MYO1B: variants seen among roughly 807,000 people sequenced by gnomAD.
The protein encoded by MYO1B is myosin IB, also known as unconventional myosin-Ib.
A neutral mutation model predicts 159.7 loss-of-function variants in MYO1B; 72 were observed. That is an observed-to-expected ratio of 0.45 (90% CI 0.37 to 0.55). The LOEUF (loss-of-function observed/expected upper bound fraction) is 0.55. MYO1B is among the 20% of genes least tolerant of loss of function. The pLI is 0.00. For synonymous variants in MYO1B, 468 were observed against 473.8 expected (o/e 0.99, Z 0.16); for missense variants, 1,062 against 1,364.8 (o/e 0.78, Z 3.50).
chr2:191,383,652 A>T (rs1405628487), intron 15 of MYO1B, among the ~76,000 whole-genome samples: 1 of 151,256 alleles, frequency 6.6e-6, no homozygotes. Flanking sequence ...GGATGTTTTG[A>T]TACTTAGCCA....
At chr2:191,281,348 T>G (rs754552669) in intron 2 of MYO1B, among the ~76,000 whole-genome samples, 8 of 152,142 alleles carry the variant, frequency 5.3e-5, no homozygotes, top group Non-Finnish European at 1.0e-4. Context: ...GCTGAAGTGA[T>G]GCTGCAACAC....
In MYO1B at chr2:191,341,329, CATT is replaced by C. The variant is rs936924423; in HGVS notation, c.347-128_347-126del. ...AAATATTTTAGAAAGGTATCCAAAA[CATT>C]ATTTACTCCTCTAGGAATAAAGACA... On this transcript the variant is annotated intron_variant, in intron 4 of 30. Coordinates refer to ENST00000392318, the MANE Select transcript of MYO1B (RefSeq NM_001130158.3). 6 of 611,984 alleles carry C rather than the reference CATT, an allele frequency of 9.8e-6. No individual in the cohort carries two copies. In the Admixed American group the frequency reaches 2.0e-4, roughly 20 times the overall value. 37.9% of individuals were successfully genotyped at this position (611,984 alleles called of 1,614,324 possible).
intron 18 of MYO1B, among the ~76,000 whole-genome samples, chr2:191,391,243 G>A (rs577669806): frequency 6.6e-6 from 1 of 152,326 alleles, no homozygotes; most frequent in South Asian, 2.1e-4. Context: ...GGGCTGACAT[G>A]CCTGTTTCAT....
intron 20 of MYO1B, among the ~76,000 whole-genome samples, chr2:191,395,774 T>G (rs1171737975): frequency 7.2e-5 from 11 of 152,320 alleles, no homozygotes. Context: ...GTGCTTTCTG[T>G]GCTGCATCTC....
chr2:191,314,197 T>C (rs13020656), intron 3 of MYO1B, among the ~76,000 whole-genome samples: 54,400 of 152,156 alleles, frequency 0.36, 10,196 homozygotes, highest in Middle Eastern at 0.52. Context: ...AGTTTAATTT[T>C]ATTTGAATGC....
chr2:191,271,645 G>T (rs73981523), intron 1 of MYO1B, among the ~76,000 whole-genome samples: 2 of 152,032 alleles, frequency 1.3e-5, no homozygotes, highest in Non-Finnish European at 2.9e-5. Flanking sequence ...GTGTTTCAAC[G>T]TATACATTGT....
intron 13 of MYO1B, chr2:191,377,558 G>A (rs971976265): frequency 1.3e-5 from 2 of 152,034 alleles, no homozygotes; most frequent in Admixed American, 1.3e-4. Context: ...GTTGCTTTGG[G>A]GCCTTCCTAT....
intron 2 of MYO1B, among the ~76,000 whole-genome samples, chr2:191,283,632 G>A (rs1221970411): frequency 6.6e-6 from 1 of 152,090 alleles, no homozygotes; most frequent in Non-Finnish European, 1.5e-5. Flanking sequence ...TGAAGAAACC[G>A]AGGCTCATAA....
At chr2:191,370,827 T>A (rs1335066775) in intron 13 of MYO1B, 1 of 152,274 alleles carries the variant, frequency 6.6e-6, no homozygotes, top group Non-Finnish European at 1.5e-5. Context: ...ATTACTGTGA[T>A]CTTATGATAA....
At chr2:191,400,355 T>G (rs761933731) in intron 21 of MYO1B, 27 bp from the exon 22 acceptor site, 1 of 1,611,340 alleles carries the variant, frequency 6.2e-7, no homozygotes, top group South Asian at 1.1e-5. Context: ...TTAAACATTC[T>G]CTCTTTTGGG....
At chr2:191,263,336 A>G in intron 1 of MYO1B, 1 of 985,124 alleles carries the variant, frequency 1.0e-6, no homozygotes, top group Non-Finnish European at 1.2e-6. Context: ...ATATGAACTG[A>G]AGGCTAAAGT....
chr2:191,284,070 G>A (rs1313971795), intron 2 of MYO1B, among the ~76,000 whole-genome samples: 1 of 152,184 alleles, frequency 6.6e-6, no homozygotes, highest in Non-Finnish European at 1.5e-5. Context: ...GTGGAAGGTG[G>A]GAGAAGATAC....
chr2:191,279,176 C>A (rs1687910937), intron 2 of MYO1B, among the ~76,000 whole-genome samples: 1 of 152,148 alleles, frequency 6.6e-6, no homozygotes, highest in African/African-American at 2.4e-5. Context: ...ATATTCATAT[C>A]AATTAATGTT....
At chr2:191,321,186 G>A (rs957989553) in intron 3 of MYO1B, among the ~76,000 whole-genome samples, 10 of 152,126 alleles carry the variant, frequency 6.6e-5, no homozygotes, top group Non-Finnish European at 5.9e-5. Flanking sequence ...TAAATCAGTA[G>A]GGAACATCTG....
chr2:191,276,578 C>G (rs1687765191), intron 1 of MYO1B, among the ~76,000 whole-genome samples: 1 of 152,052 alleles, frequency 6.6e-6, no homozygotes, highest in South Asian at 2.1e-4. Context: ...TTTTTCCTCC[C>G]CCTGGAGTTT....
In MYO1B at chr2:191,364,227, C is replaced by T; in HGVS notation, c.983C>T (p.Thr328Ile). ...CTAGAACGAGCATTCAGTTTCCGAACAGTTGAGGCCAAACAGGAGAAAGTT... is the reference window on the plus strand; with the variant it reads ...CTAGAACGAGCATTCAGTTTCCGAATAGTTGAGGCCAAACAGGAGAAAGTT... ...SVLERAFSFR[T>I]VEAKQEKVST... Residue 328 changes from threonine (T) to isoleucine (I), a missense_variant, in exon 11 of 31, where the codon ACA becomes ATA. Transcript: ENST00000392318. 1.9e-6 allele frequency: 3 copies of T among 1,613,956 alleles called. No homozygotes were observed. The highest frequency in any genetic ancestry group is 2.5e-6 in the Non-Finnish European group (3 of 1,179,874).
intron 28 of MYO1B, 104 bp downstream of exon 28, chr2:191,414,284 T>A: frequency 7.1e-7 from 1 of 1,404,702 alleles, no homozygotes; most frequent in Non-Finnish European, 9.6e-7. Flanking sequence ...TCAGTAGAGT[T>A]AACTATGAAG....
chr2:191,260,288 T>A (rs1048157884), intron 1 of MYO1B, among the ~76,000 whole-genome samples: 1 of 135,040 alleles, frequency 7.4e-6, no homozygotes, highest in African/African-American at 2.6e-5. Flanking sequence ...TATATAGAAG[T>A]TAAGGTTATT....
intron 7 of MYO1B, among the ~76,000 whole-genome samples, chr2:191,358,437 C>T (rs1693440715): frequency 1.3e-5 from 2 of 152,208 alleles, no homozygotes; most frequent in Admixed American, 1.3e-4. Flanking sequence ...ACGAAGTACA[C>T]TTTGCCAGCA....
Sources: allele counts gnomAD v4.1 joint callset (sites outside exome capture counted in the v4.1 genomes callset), GRCh38; gene constraint gnomAD v4.1.1; transcripts MANE v1.5; gene names NCBI Gene and HGNC (gene_info 2026-07-23, HGNC 2026-07-21).